MAP7: variants seen among roughly 807,000 people sequenced by gnomAD.
MAP7 encodes the protein microtubule associated protein 7.
A neutral mutation model predicts 94.8 loss-of-function variants in MAP7; 52 were observed. The observed-to-expected ratio is 0.55, with a 90% CI of 0.44 to 0.69. The LOEUF (loss-of-function observed/expected upper bound fraction) is 0.69, where lower values mean the gene tolerates loss of function less well. MAP7 is among the 30% of genes least tolerant of loss of function. MAP7 has a pLI of 0.00. For synonymous variants in MAP7, 350 were observed against 357.0 expected (o/e 0.98, Z 0.22); for missense variants, 940 against 964.6 (o/e 0.97, Z 0.34).
At chr6:136,456,816 G>GA in intron 1 of MAP7, among the ~76,000 whole-genome samples, 1 of 88,262 alleles carries the variant, frequency 1.1e-5, no homozygotes. Context: ...AGAAGAAGAA[G>GA]AAGAAGGAAG....
intron 1 of MAP7, among the ~76,000 whole-genome samples, chr6:136,528,779 C>T (rs957857201): frequency 6.6e-6 from 1 of 152,238 alleles, no homozygotes; most frequent in South Asian, 2.1e-4. Context: ...CTGACCCCAA[C>T]ATCAACTAGC....
At chr6:136,548,415 G>A (rs1198294473) in intron 1 of MAP7, among the ~76,000 whole-genome samples, 1 of 152,034 alleles carries the variant, frequency 6.6e-6, no homozygotes, top group Non-Finnish European at 1.5e-5. Flanking sequence ...TAATCTTGGG[G>A]TAGAAAAATA....
intron 1 of MAP7, chr6:136,526,658 G>T (rs1827954538): frequency 6.1e-6 from 6 of 985,548 alleles, no homozygotes; most frequent in Non-Finnish European, 7.2e-6. Context: ...AGCGCAGCAG[G>T]ATGGGAGGAG....
intron 1 of MAP7, among the ~76,000 whole-genome samples, chr6:136,503,456 C>G (rs982240992): frequency 6.6e-6 from 1 of 152,114 alleles, no homozygotes; most frequent in African/African-American, 2.4e-5. Flanking sequence ...AACCCTGACC[C>G]GCCATGTCAA....
intron 1 of MAP7, among the ~76,000 whole-genome samples, chr6:136,437,411 CTT>C (rs946464643): frequency 9.9e-5 from 15 of 152,272 alleles, no homozygotes; most frequent in African/African-American, 3.6e-4. Context: ...AGTTAGATGA[CTT>C]ATCACTGTGT....
rs112381388 is a variant in MAP7 at position 136,407,046 on chromosome 6, T to A, written c.244+4574A>T. Among the ~76,000 whole-genome samples the A allele has an allele frequency of 3.6e-3, 541 of 152,352 alleles. 4 individuals carry two copies. Among genetic ancestry groups the A allele is most frequent in the African/African-American group, 0.012 (505 of 41,574 alleles). On this transcript the variant is annotated intron_variant, in intron 3 of 17. Coordinates refer to ENST00000354570, the MANE Select transcript of MAP7 (RefSeq NM_003980.6). ...ATAAAAAGTACAACCACTGTGCTAATTTGTTACTAAATGGGATTATACATA... is the reference window on the plus strand; with the variant it reads ...ATAAAAAGTACAACCACTGTGCTAAATTGTTACTAAATGGGATTATACATA...
In MAP7 at chr6:136,359,981, C is replaced by G. The variant is rs758425405; in HGVS notation, c.1854G>C (p.Lys618Asn). 6.2e-7 allele frequency: 1 copy of G among 1,613,336 alleles called. No individual in the cohort carries two copies. The highest frequency in any genetic ancestry group is 1.1e-5 in the South Asian group (1 of 90,802). The change falls in exon 14 of 18, where the codon AAG becomes AAC. Residue 618 changes from lysine to asparagine, a missense_variant and splice_region_variant. Coordinates refer to ENST00000354570, the MANE Select transcript of MAP7 (RefSeq NM_003980.6). The part of the protein sequence containing the change: ...KRTRRTEATD[K>N]KTSDQRNGDI... ...AGTTAGAAAACGGCCATGTCAATACCTTATCTGTAGCTTCTGTTCTCCTGG... is the reference window on the plus strand; with the variant it reads ...AGTTAGAAAACGGCCATGTCAATACGTTATCTGTAGCTTCTGTTCTCCTGG...
intron 1 of MAP7, among the ~76,000 whole-genome samples, chr6:136,463,518 T>C (rs926282544): frequency 1.3e-5 from 2 of 152,238 alleles, no homozygotes; most frequent in Non-Finnish European, 2.9e-5. Context: ...GTCTTTTCAC[T>C]GTTTTGCTGA....
At chr6:136,367,528 T>C (rs1321893817) in intron 8 of MAP7, among the ~76,000 whole-genome samples, 2 of 152,192 alleles carry the variant, frequency 1.3e-5, no homozygotes, top group South Asian at 2.1e-4. Flanking sequence ...CTTCCCTCCA[T>C]TTTCCTTAGC....
intron 5 of MAP7, 59 bp from the exon 6 acceptor site, chr6:136,383,840 G>C (rs986576991): frequency 3.6e-5 from 36 of 989,160 alleles, no homozygotes; most frequent in Non-Finnish European, 5.6e-5. Flanking sequence ...CAATTTCCTA[G>C]TTCACTGATG....
chr6:136,508,552 G>A lies in MAP7; in HGVS notation c.67+41790C>T, dbSNP rs181580121. The stretch of plus-strand genomic sequence containing the variant: ...TGTGAGCCTAACTGTCCCAAGCTTT[G>A]TGTTGATATACCTGCTATGACTTCA... On this transcript the variant is annotated intron_variant, in intron 1 of 17. Transcript: ENST00000354570. Among the ~76,000 whole-genome samples the A allele has an allele frequency of 3.9e-5, 6 of 152,256 alleles. No homozygotes were observed. In the South Asian group the frequency reaches 1.0e-3, roughly 26 times the overall value.
intron 1 of MAP7, among the ~76,000 whole-genome samples, chr6:136,505,645 G>A (rs976411426): frequency 2.0e-5 from 3 of 151,942 alleles, no homozygotes; most frequent in Non-Finnish European, 2.9e-5. Context: ...GGGGCCTACC[G>A]GAGGACAAGA....
At position 136,389,310 on chromosome 6, in the gene MAP7, T is replaced by C. The variant is rs929029426; in HGVS notation, c.408+44A>G. The C allele has an allele frequency of 4.0e-6, 6 of 1,503,788 alleles. No individual in the cohort carries two copies. The East Asian group carries it at 1.2e-4, about 29-fold the overall frequency. The allele number at this position is 1,503,788 out of a possible 1,614,324, so 93.2% of individuals were successfully genotyped here. On this transcript the variant is annotated intron_variant, in intron 4 of 17. Transcript: ENST00000354570. ...TTTCACAGAAAGTTTGCTGCATGTC[T>C]GAACTAGAGGAGCCACTCATATTCT...
chr6:136,456,688 AAAGAAG>A, intron 1 of MAP7, among the ~76,000 whole-genome samples: 1 of 148,056 alleles, frequency 6.8e-6, no homozygotes, highest in African/African-American at 2.5e-5. Flanking sequence ...AAGAAAGAAG[AAAGAAG>A]AAAGAAGAAG....
At chr6:136,372,946 A>C (rs1232727655) in intron 7 of MAP7, among the ~76,000 whole-genome samples, 1 of 152,204 alleles carries the variant, frequency 6.6e-6, no homozygotes, top group African/African-American at 2.4e-5. Flanking sequence ...ATGGAGAGCA[A>C]TGGTCTTATA....
intron 1 of MAP7, among the ~76,000 whole-genome samples, chr6:136,475,176 T>G (rs1810466491): frequency 6.6e-6 from 1 of 152,212 alleles, no homozygotes; most frequent in Non-Finnish European, 1.5e-5. Context: ...TAAGGGGAAT[T>G]AGTAGGTCAA....
At chr6:136,396,489 T>C (rs959569816) in intron 3 of MAP7, among the ~76,000 whole-genome samples, 2 of 152,178 alleles carry the variant, frequency 1.3e-5, no homozygotes, top group East Asian at 3.8e-4. Flanking sequence ...TAAGACCATG[T>C]TGTCTGCAAG....
chr6:136,550,112 G>T lies in MAP7; in HGVS notation c.67+230C>A, dbSNP rs570614082. Among the ~76,000 whole-genome samples the T allele has an allele frequency of 1.6e-3, 245 of 151,152 alleles. 2 individuals carry two copies. The highest frequency in any genetic ancestry group is 5.4e-3 in the African/African-American group (224 of 41,400). On this transcript the variant is annotated intron_variant, in intron 1 of 17. Coordinates refer to ENST00000354570, the MANE Select transcript of MAP7 (RefSeq NM_003980.6). This position sits in a 1 kb window ranked among gnomAD's most constrained non-coding sequence, Gnocchi z 5.1. The stretch of plus-strand genomic sequence containing the variant: ...AAGTCGCGGTGGAGCGCCCGAGGGC[G>T]GCCGCAACCCCGGCCGGGGCCGAGC...
At chr6:136,349,075 CT>C (rs1788443769) in intron 16 of MAP7, among the ~76,000 whole-genome samples, 1 of 152,248 alleles carries the variant, frequency 6.6e-6, no homozygotes, top group East Asian at 1.9e-4. Flanking sequence ...ATATTCACCC[CT>C]GTCCTCCCCG....
Sources: gnomAD v4.1 joint callset for allele counts (sites outside exome capture counted in the v4.1 genomes callset) on GRCh38, gnomAD v4.1.1 for gene constraint, Gnocchi (gnomAD v3.1) non-coding constraint, MANE v1.5 for transcripts, NCBI Gene and HGNC (gene_info 2026-07-23, HGNC 2026-07-21) for gene names.